Variants in APPL2 observed in about 807,000 individuals in gnomAD.
The protein encoded by APPL2 is adaptor protein, phosphotyrosine interacting with PH domain and leucine zipper 2, also known as DCC-interacting protein 13-beta.
Under a neutral mutation model 92.7 loss-of-function variants are expected in APPL2, and 84 were observed. That is an observed-to-expected ratio of 0.91 (90% CI 0.76 to 1.09). The LOEUF (loss-of-function observed/expected upper bound fraction) is 1.09. Among genes scored for constraint, APPL2 ranks in the 50% least tolerant of loss-of-function variants. The pLI, the probability that APPL2 is intolerant of heterozygous loss-of-function variation, is 0.00. For missense variants in APPL2, 736 were observed against 824.5 expected (o/e 0.89, Z 1.31); for synonymous variants, 291 against 291.0 (o/e 1.00, Z 0.00).
Position 105,231,392 on chromosome 12 carries a change from G to A in APPL2, c.55-2169C>T, listed in dbSNP as rs115565947. On this transcript the variant is annotated intron_variant, in intron 1 of 20. Transcript: ENST00000258530. ...ACTCTGTACCACCTATGTGCTGGAC[G>A]CTGTGCTGGGCACTAAACATATGTG... Among the ~76,000 whole-genome samples the A allele has an allele frequency of 4.5e-3, 680 of 152,340 alleles. 10 individuals carry two copies. The highest frequency in any genetic ancestry group is 0.015 in the African/African-American group (631 of 41,570).
At position 105,217,740 on chromosome 12, in the gene APPL2, G is replaced by C. The variant is rs374694086; in HGVS notation, c.154-15C>G. The C allele has an allele frequency of 6.2e-7, 1 of 1,612,174 alleles. No homozygotes were observed. The highest frequency in any genetic ancestry group is 2.2e-5 in the East Asian group (1 of 44,874). On this transcript the variant is annotated splice_polypyrimidine_tract_variant and intron_variant, in intron 2 of 20. Coordinates refer to ENST00000258530, the MANE Select transcript of APPL2 (RefSeq NM_018171.5). ...CACATCTCATTCTGTGGAGAGAAGAGAAAAAGCAAGTAAGATTAGTCCAAT... is the reference window on the plus strand; with the variant it reads ...CACATCTCATTCTGTGGAGAGAAGACAAAAAGCAAGTAAGATTAGTCCAAT...
chr12:105,207,535 G>T (rs1888832107), intron 7 of APPL2, among the ~76,000 whole-genome samples: 1 of 152,178 alleles, frequency 6.6e-6, no homozygotes, highest in African/African-American at 2.4e-5. Context: ...AAGACTGTAT[G>T]CCAAGGAAAT....
intron 17 of APPL2, among the ~76,000 whole-genome samples, chr12:105,180,402 G>C (rs1451897387): frequency 2.0e-5 from 3 of 152,136 alleles, no homozygotes; most frequent in Admixed American, 2.0e-4. Flanking sequence ...TTTGAAGTCA[G>C]GTAGCATGAT....
At chr12:105,181,403 G>A (rs1284614115) in intron 17 of APPL2, among the ~76,000 whole-genome samples, 4 of 152,108 alleles carry the variant, frequency 2.6e-5, no homozygotes, top group Non-Finnish European at 5.9e-5. Context: ...TTCATCAGGG[G>A]TATTGCCCTG....
intron 14 of APPL2, among the ~76,000 whole-genome samples, chr12:105,191,549 T>C (rs934581858): frequency 2.0e-5 from 3 of 152,034 alleles, no homozygotes; most frequent in Non-Finnish European, 2.9e-5. Context: ...ACAATCAAGA[T>C]AGGGTGAGGC....
At chr12:105,192,157 G>A (rs1356740637) in intron 14 of APPL2, among the ~76,000 whole-genome samples, 1 of 152,094 alleles carries the variant, frequency 6.6e-6, no homozygotes, top group Non-Finnish European at 1.5e-5. Context: ...CCTTTGATCT[G>A]TCCTTTTCCG....
intron 2 of APPL2, among the ~76,000 whole-genome samples, chr12:105,227,461 C>A (rs1890601141): frequency 6.6e-6 from 1 of 152,194 alleles, no homozygotes; most frequent in Non-Finnish European, 1.5e-5. Context: ...TGGGCATCCC[C>A]ATGACAGATA....
chr12:105,193,351 G>C (rs1470844136), intron 14 of APPL2, among the ~76,000 whole-genome samples: 1 of 152,236 alleles, frequency 6.6e-6, no homozygotes, highest in Non-Finnish European at 1.5e-5. Flanking sequence ...TAGGAGGTTA[G>C]CTAGTTCCCT....
At chr12:105,191,237 A>C (rs1887167047) in intron 14 of APPL2, among the ~76,000 whole-genome samples, 1 of 152,196 alleles carries the variant, frequency 6.6e-6, no homozygotes, top group Non-Finnish European at 1.5e-5. Context: ...CTCCATTGTT[A>C]ACAGAAAAGG....
intron 3 of APPL2, 139 bp downstream of exon 3, chr12:105,217,527 T>C: frequency 1.3e-6 from 1 of 768,280 alleles, no homozygotes; most frequent in Non-Finnish European, 2.1e-6. Context: ...AATACATCAG[T>C]GGAAGGGAAA....
chr12:105,196,331 TCA>T (rs1209717610), intron 11 of APPL2, among the ~76,000 whole-genome samples: 1 of 151,338 alleles, frequency 6.6e-6, no homozygotes, highest in African/African-American at 2.4e-5. Flanking sequence ...GGCAGCCCAT[TCA>T]CTCCTTTCCC....
chr12:105,197,994 C>A, intron 10 of APPL2, 41 bp from the exon 11 acceptor site: 1 of 1,581,688 alleles, frequency 6.3e-7, no homozygotes, highest in Middle Eastern at 1.7e-4. Context: ...TACCAGAAAG[C>A]ACCAGCGGCC....
At chr12:105,190,880 A>G (rs1357526560) in intron 14 of APPL2, among the ~76,000 whole-genome samples, 1 of 152,090 alleles carries the variant, frequency 6.6e-6, no homozygotes, top group African/African-American at 2.4e-5. Context: ...AGGAACCAAC[A>G]TGTTCTTCTC....
intron 17 of APPL2, among the ~76,000 whole-genome samples, chr12:105,187,266 C>T (rs1390362694): frequency 2.0e-5 from 3 of 152,136 alleles, no homozygotes; most frequent in Non-Finnish European, 4.4e-5. Flanking sequence ...AAGCTATATC[C>T]TAATTTTTGC....
chr12:105,203,839 A>G, intron 8 of APPL2, 54 bp from the exon 9 acceptor site: 12 of 1,495,930 alleles, frequency 8.0e-6, no homozygotes, highest in Non-Finnish European at 1.0e-5. Context: ...TGATCAGTGA[A>G]CTCACTGAAG....
At chr12:105,203,843 A>G in intron 8 of APPL2, 58 bp from the exon 9 acceptor site, 1 of 1,498,024 alleles carries the variant, frequency 6.7e-7, no homozygotes, top group Non-Finnish European at 9.3e-7. Context: ...CAGTGAACTC[A>G]CTGAAGGTGA....
At chr12:105,208,223 C>T in intron 5 of APPL2, 24 bp from the exon 6 acceptor site, 1 of 1,613,828 alleles carries the variant, frequency 6.2e-7, no homozygotes, top group Non-Finnish European at 8.5e-7. Flanking sequence ...AAGGGACCGT[C>T]TTAGAGCAAT....
chr12:105,177,055 C>A, intron 18 of APPL2, 39 bp from the exon 19 acceptor site: 1 of 1,612,276 alleles, frequency 6.2e-7, no homozygotes, highest in Non-Finnish European at 8.5e-7. Flanking sequence ...CATACAACTA[C>A]TAGAATTAAA....
intron 8 of APPL2, among the ~76,000 whole-genome samples, chr12:105,206,613 G>A (rs1888721706): frequency 6.6e-6 from 1 of 152,212 alleles, no homozygotes; most frequent in Admixed American, 6.5e-5. Flanking sequence ...CCCATGCCCA[G>A]ATGTTAAGGT....
Sources: allele counts gnomAD v4.1 joint callset (sites outside exome capture counted in the v4.1 genomes callset), GRCh38; gene constraint gnomAD v4.1.1; transcripts MANE v1.5; gene names NCBI Gene and HGNC (gene_info 2026-07-23, HGNC 2026-07-21).